Variants in PDCD4 observed in about 807,000 individuals in gnomAD.
The protein encoded by PDCD4 is programmed cell death protein 4.
A neutral mutation model predicts 54.0 loss-of-function variants in PDCD4; 56 were observed. That is an observed-to-expected ratio of 1.04 (90% confidence interval 0.84 to 1.30). The LOEUF (loss-of-function observed/expected upper bound fraction) is 1.30. Ranked by LOEUF, PDCD4 falls within the 50% of genes most tolerant of loss-of-function variation. The pLI is 0.00. For synonymous variants in PDCD4, 186 were observed against 194.8 expected, an observed-to-expected ratio of 0.95 and a Z score of 0.37; for missense variants, 584 against 559.8, an observed-to-expected ratio of 1.04 and a Z score of -0.44.
chr10:110,883,972 C>T (rs183765439), intron 4 of PDCD4, among the ~76,000 whole-genome samples: 192 of 152,268 alleles, frequency 1.3e-3, no homozygotes, highest in Non-Finnish European at 2.0e-3. Flanking sequence ...TGTTTTTAGG[C>T]TGAAGCCAGT....
chr10:110,874,615 G>T lies in PDCD4; in HGVS notation c.-62-1351G>T, dbSNP rs556850911. 2.0e-5 allele frequency among the ~76,000 whole-genome samples: 3 copies of T among 152,108 alleles called. No individual in the cohort carries two copies. The South Asian group carries it at 6.2e-4, about 32-fold the overall frequency. ...TTAATTTATTCTTAACAGAATTAGAGAATGATCTCACCATTTTCTTAAGTT... is the reference window on the plus strand; with the variant it reads ...TTAATTTATTCTTAACAGAATTAGATAATGATCTCACCATTTTCTTAAGTT... On this transcript the variant is annotated intron_variant, in intron 1 of 11. Coordinates refer to ENST00000280154, the MANE Select transcript of PDCD4 (RefSeq NM_014456.5).
At chr10:110,892,927 A>ATTGTACC (rs1239919729) in intron 8 of PDCD4, among the ~76,000 whole-genome samples, 2 of 152,140 alleles carry the variant, frequency 1.3e-5, no homozygotes, top group African/African-American at 4.8e-5. Context: ...ACTGTTTTTT[A>ATTGTACC]TTGTACCTTT....
intron 2 of PDCD4, among the ~76,000 whole-genome samples, chr10:110,876,450 T>G (rs1590726306): frequency 6.6e-6 from 1 of 152,254 alleles, no homozygotes; most frequent in African/African-American, 2.4e-5. Flanking sequence ...AAGTCAAGTT[T>G]GTGATTTTTA....
At chr10:110,872,157 G>A (rs908643404) in intron 1 of PDCD4, 139 bp downstream of exon 1, 12 of 152,248 alleles carry the variant, frequency 7.9e-5, no homozygotes, top group African/African-American at 2.4e-4. Flanking sequence ...CGGGCCTGCG[G>A]TGCGGGGGTC....
Position 110,885,238 on chromosome 10 carries a change from C to A in PDCD4, c.442-15C>A. 8.1e-7 allele frequency: 1 copy of A among 1,233,752 alleles called. No individual in the cohort carries two copies. The highest frequency in any genetic ancestry group is 1.2e-6 in the Non-Finnish European group (1 of 850,816). The allele number at this position is 1,233,752 out of a possible 1,614,324, so 76.4% of individuals were successfully genotyped here. A position where few individuals can be genotyped will look rare whatever the true frequency, so the allele number is the denominator to read the frequency against. ...TTTTGTTTTTTATAACTCTTACTCC[C>A]TTTTCCCCTCAAAGGAGAACTGTGT... On this transcript the variant is annotated splice_polypyrimidine_tract_variant and intron_variant, in intron 4 of 11. Transcript: ENST00000280154.
chr10:110,877,845 G>A (rs538708323), intron 2 of PDCD4, among the ~76,000 whole-genome samples: 1 of 152,270 alleles, frequency 6.6e-6, no homozygotes, highest in African/African-American at 2.4e-5. Flanking sequence ...ATAAAATTGG[G>A]ATATAAATAC....
intron 2 of PDCD4, among the ~76,000 whole-genome samples, chr10:110,876,475 C>G (rs1178522331): frequency 2.0e-5 from 3 of 152,142 alleles, no homozygotes; most frequent in Non-Finnish European, 4.4e-5. Context: ...CATGGAAATT[C>G]ATTACATGTC....
intron 1 of PDCD4, among the ~76,000 whole-genome samples, chr10:110,874,960 C>G (rs1265523171): frequency 6.6e-6 from 1 of 152,050 alleles, no homozygotes; most frequent in Admixed American, 6.5e-5. Flanking sequence ...TTTTATATCT[C>G]TGAAGAGCAC....
chr10:110,896,161 AGTTT>A (rs1845829304), intron 11 of PDCD4, 74 bp downstream of exon 11: 1 of 1,137,740 alleles, frequency 8.8e-7, no homozygotes, highest in Non-Finnish European at 1.3e-6. Flanking sequence ...CTGCTAAGTT[AGTTT>A]ATCGTTCCCT....
Position 110,899,184 on chromosome 10 carries a change from A to G in PDCD4, c.*1096A>G, listed in dbSNP as rs962020555. ...TAGCCTAATAACTCAGCAAGGCCTCAACGTCTGTGCTAATTTAAACTGCCA... is the reference window on the plus strand; with the variant it reads ...TAGCCTAATAACTCAGCAAGGCCTCGACGTCTGTGCTAATTTAAACTGCCA... On this transcript the variant is annotated 3_prime_UTR_variant, in exon 12 of 12. Transcript: ENST00000280154. 1 of 152,232 alleles carries G rather than the reference A, an allele frequency of 6.6e-6. No homozygotes were observed. The highest frequency in any genetic ancestry group is 2.4e-5 in the African/African-American group (1 of 41,460). 9.4% of individuals were successfully genotyped at this position (152,232 alleles called of 1,614,324 possible).
At chr10:110,874,229 A>G (rs1280681625) in intron 1 of PDCD4, among the ~76,000 whole-genome samples, 1 of 152,226 alleles carries the variant, frequency 6.6e-6, no homozygotes, top group Non-Finnish European at 1.5e-5. Flanking sequence ...TACATGTACA[A>G]TTCTTTTTGA....
At chr10:110,889,831 T>C (rs1405421754) in intron 7 of PDCD4, among the ~76,000 whole-genome samples, 5 of 152,222 alleles carry the variant, frequency 3.3e-5, no homozygotes, top group Non-Finnish European at 1.5e-5. Context: ...TTCTGGAGTT[T>C]AGCTAAATCA....
chr10:110,878,094 A>G (rs1383933881), intron 2 of PDCD4, among the ~76,000 whole-genome samples: 1 of 152,300 alleles, frequency 6.6e-6, no homozygotes, highest in East Asian at 1.9e-4. Flanking sequence ...AGTAGGAAAC[A>G]ATTTTGAAGT....
chr10:110,881,166 C>A, intron 2 of PDCD4, 67 bp from the exon 3 acceptor site: 1 of 1,169,436 alleles, frequency 8.6e-7, no homozygotes, highest in Non-Finnish European at 1.2e-6. Context: ...TCTAACTTAC[C>A]ACTATATCTA....
chr10:110,885,272 CTG>C lies in PDCD4; in HGVS notation c.463_464del (p.Val155SerfsTer6), dbSNP rs1845652841. The C allele has an allele frequency of 6.4e-7, 1 of 1,563,168 alleles. No individual in the cohort carries two copies. The highest frequency in any genetic ancestry group is 8.8e-7 in the Non-Finnish European group (1 of 1,136,964). The stretch of plus-strand genomic sequence containing the variant: ...TCAAAGGAGAACTGTGTTTATGAAA[CTG>C]TAGTTTTGCCTTTGGATGAAAGGGC... On this transcript the variant is annotated frameshift_variant, in exon 5 of 12. Transcript: ENST00000280154. LOFTEE classifies it high-confidence loss of function.
At position 110,894,091 on chromosome 10, in the gene PDCD4, A is replaced by G. The variant is rs780200316; in HGVS notation, c.991A>G (p.Ile331Val). The G allele has an allele frequency of 1.9e-6, 3 of 1,571,536 alleles. No homozygotes were observed. Among genetic ancestry groups the G allele is most frequent in the South Asian group, 2.2e-5 (2 of 89,922 alleles). The change falls in exon 9 of 12, where the codon ATT (isoleucine) becomes GTT (valine). Residue 331 changes from isoleucine (I) to valine (V), a missense_variant and splice_region_variant. Ile to Val is a conservative substitution (Grantham distance 29). Transcript: ENST00000280154. The part of the protein sequence containing the change: ...QQSVNHLVKE[I>V]DMLLKEYLLS... ...ACATCTCAACTTTTAAATCTAATAGATTGATATGCTGCTGAAAGAATATTT... is the reference window on the plus strand; with the variant it reads ...ACATCTCAACTTTTAAATCTAATAGGTTGATATGCTGCTGAAAGAATATTT...
intron 11 of PDCD4, among the ~76,000 whole-genome samples, chr10:110,897,643 G>A (rs1234592422): frequency 1.3e-5 from 2 of 152,034 alleles, no homozygotes; most frequent in Non-Finnish European, 2.9e-5. Flanking sequence ...AGGTTGCACA[G>A]CTCCAGTTTG....
At position 110,895,968 on chromosome 10, in the gene PDCD4, T is replaced by C. The variant is rs746648290; in HGVS notation, c.1230T>C (p.Asn410=). The change falls in exon 11 of 12, where the codon AAT becomes AAC. Residue 410 remains asparagine, a synonymous_variant. Coordinates refer to ENST00000280154, the MANE Select transcript of PDCD4 (RefSeq NM_014456.5). ...TGTAGGGTTATGAGAGAATTTACAA[T>C]GAAATTCCGGACATTAATCTGGATG... ...QMKRGYERIY[N]EIPDINLDVP... is the part of the protein sequence containing the mutation. The C allele has an allele frequency of 1.2e-6, 2 of 1,602,348 alleles. No homozygotes were observed. The highest frequency in any genetic ancestry group is 3.5e-5 in the Admixed American group (2 of 57,776).
Position 110,889,511 on chromosome 10 carries a change from CTTT to C in PDCD4, c.778-14_778-12del. The C allele has an allele frequency of 8.0e-7, 1 of 1,252,262 alleles. No individual in the cohort carries two copies. Among genetic ancestry groups the C allele is most frequent in the Non-Finnish European group, 1.1e-6 (1 of 893,048 alleles). The allele number at this position is 1,252,262 out of a possible 1,614,324, so 77.6% of individuals were successfully genotyped here. Reference sequence around the variant, plus strand: ...AAGTTATTTAACTTTTTTTATAGCTCTTTTTTTTTTCCTTTTTACAGTTGGTGG... The same window carrying C: ...AAGTTATTTAACTTTTTTTATAGCTCTTTTTTTCCTTTTTACAGTTGGTGG... On this transcript the variant is annotated intron_variant, in intron 6 of 11. Coordinates refer to ENST00000280154, the MANE Select transcript of PDCD4 (RefSeq NM_014456.5).
Sources: allele counts gnomAD v4.1 joint callset (sites outside exome capture counted in the v4.1 genomes callset), GRCh38; gene constraint gnomAD v4.1.1; transcripts MANE v1.5; gene names NCBI Gene and HGNC (gene_info 2026-07-23, HGNC 2026-07-21).